STRN3: variants seen among roughly 807,000 people sequenced by gnomAD.
STRN3 encodes the protein striatin-3.
A neutral mutation model predicts 95.6 loss-of-function variants in STRN3; 29 were observed. That is an observed-to-expected ratio of 0.30 (90% CI 0.23 to 0.41). The LOEUF (loss-of-function observed/expected upper bound fraction) is 0.41, where lower values mean the gene tolerates loss of function less well. Ranked by LOEUF, STRN3 falls within the 10% of genes least tolerant of loss-of-function variation. STRN3 has a pLI of 1.00. For missense variants in STRN3, 890 were observed against 972.1 expected (o/e 0.92, Z 1.12); for synonymous variants, 331 against 357.6 (o/e 0.93, Z 0.84).
chr14:30,991,927 T>TA (rs11411363), intron 1 of STRN3, among the ~76,000 whole-genome samples: 89,985 of 142,168 alleles, frequency 0.63, 28,951 homozygotes, highest in Non-Finnish European at 0.72. Context: ...CTCTATTCTT[T>TA]AAAAAAAAAA....
intron 1 of STRN3, among the ~76,000 whole-genome samples, chr14:30,964,823 G>A (rs535177848): frequency 2.1e-4 from 32 of 152,156 alleles, no homozygotes; most frequent in African/African-American, 7.7e-4. Context: ...CAGAGACTGA[G>A]GCAGGAGAAT....
chr14:30,911,735 A>C, intron 12 of STRN3, 42 bp downstream of exon 12: 1 of 1,525,022 alleles, frequency 6.6e-7, no homozygotes, highest in Non-Finnish European at 9.0e-7. Flanking sequence ...ATATTTAACA[A>C]TAATGATGAT....
chr14:30,906,846 A>G (rs1896474399), intron 14 of STRN3, 31 bp downstream of exon 14: 3 of 1,589,928 alleles, frequency 1.9e-6, no homozygotes, highest in South Asian at 2.3e-5. Context: ...TAAAAAAACT[A>G]ACTTTTCTCA....
chr14:31,007,378 A>G (rs1387577063), intron 1 of STRN3, among the ~76,000 whole-genome samples: 1 of 152,212 alleles, frequency 6.6e-6, no homozygotes, highest in African/African-American at 2.4e-5. Flanking sequence ...AAAAACCCTA[A>G]CAGTTGTAGA....
intron 1 of STRN3, among the ~76,000 whole-genome samples, chr14:30,980,986 T>TA (rs2139226051): frequency 6.6e-6 from 1 of 152,130 alleles, no homozygotes; most frequent in Admixed American, 6.5e-5. Context: ...CAACTAATAA[T>TA]AAATCCATAA....
At position 30,989,148 on chromosome 14, in the gene STRN3, A is replaced by T. The variant is rs536236258; in HGVS notation, c.283-32906T>A. Among the ~76,000 whole-genome samples the T allele has an allele frequency of 7.2e-5, 11 of 152,324 alleles. No homozygotes were observed. The East Asian group carries it at 2.1e-3, about 29-fold the overall frequency. On this transcript the variant is annotated intron_variant, in intron 1 of 17. Coordinates refer to ENST00000357479, the MANE Select transcript of STRN3 (RefSeq NM_001083893.2). ...AAGTAGTCTGGTCAAGTTCAAGATA[A>T]AGAGAGGGGTCAGTTACCTTATTCT...
At chr14:31,013,630 T>C (rs1451020367) in intron 1 of STRN3, among the ~76,000 whole-genome samples, 1 of 151,802 alleles carries the variant, frequency 6.6e-6, no homozygotes, top group African/African-American at 2.4e-5. Flanking sequence ...AGACAGAGTC[T>C]TTTACCAGGC....
chr14:30,938,882 T>C (rs1349429737), intron 5 of STRN3, among the ~76,000 whole-genome samples: 1 of 152,188 alleles, frequency 6.6e-6, no homozygotes, highest in Non-Finnish European at 1.5e-5. Flanking sequence ...CATTAGTCTT[T>C]AGGGAAATAA....
chr14:30,901,276 A>AT (rs1265164580), intron 16 of STRN3, among the ~76,000 whole-genome samples: 1 of 97,388 alleles, frequency 1.0e-5, no homozygotes, highest in Non-Finnish European at 2.2e-5. Flanking sequence ...CCCTGTCTCT[A>AT]TAAAAAAAAA....
intron 1 of STRN3, among the ~76,000 whole-genome samples, chr14:31,024,766 T>C (rs1482132837): frequency 1.3e-5 from 2 of 152,204 alleles, no homozygotes; most frequent in Admixed American, 6.5e-5. Context: ...CAGCAAATAC[T>C]GCTTACCCCC....
chr14:30,972,212 C>T (rs1229373253), intron 1 of STRN3, among the ~76,000 whole-genome samples: 1 of 152,080 alleles, frequency 6.6e-6, no homozygotes, highest in Non-Finnish European at 1.5e-5. Flanking sequence ...TCACCTGCTC[C>T]AATCTACGTT....
chr14:30,953,118 A>G (rs578036159), intron 3 of STRN3, among the ~76,000 whole-genome samples: 2 of 152,344 alleles, frequency 1.3e-5, no homozygotes, highest in Admixed American at 6.5e-5. Context: ...ATACCTATTT[A>G]ACCAATCCCC....
intron 1 of STRN3, among the ~76,000 whole-genome samples, chr14:31,004,196 A>C (rs1482278527): frequency 2.6e-5 from 4 of 151,924 alleles, no homozygotes; most frequent in Non-Finnish European, 4.4e-5. Flanking sequence ...GAGAGGTGGG[A>C]AGATCACCTG....
chr14:31,010,345 GCATTAGGTATATCTCCTA>G (rs1882913700), intron 1 of STRN3, among the ~76,000 whole-genome samples: 1 of 147,962 alleles, frequency 6.8e-6, no homozygotes, highest in Non-Finnish European at 1.5e-5. Context: ...TCGTCATTTA[GCATTAGGTATATCTCCTA>G]ATGCTATCCC....
chr14:30,931,562 A>T (rs1878538793), intron 7 of STRN3, among the ~76,000 whole-genome samples: 1 of 152,186 alleles, frequency 6.6e-6, no homozygotes. Flanking sequence ...TACTTTATCA[A>T]TTATACTTAA....
At chr14:30,955,130 A>C (rs925626171) in intron 3 of STRN3, among the ~76,000 whole-genome samples, 1 of 152,214 alleles carries the variant, frequency 6.6e-6, no homozygotes, top group Non-Finnish European at 1.5e-5. Context: ...AAGCCAGGTC[A>C]AAGAAAACCT....
intron 1 of STRN3, among the ~76,000 whole-genome samples, chr14:30,997,581 C>T (rs939803143): frequency 6.6e-6 from 1 of 152,220 alleles, no homozygotes; most frequent in Non-Finnish European, 1.5e-5. Flanking sequence ...TCTTCAGCCT[C>T]CTGACCACCC....
At chr14:31,019,674 G>A (rs1883409146) in intron 1 of STRN3, among the ~76,000 whole-genome samples, 1 of 152,046 alleles carries the variant, frequency 6.6e-6, no homozygotes, top group South Asian at 2.1e-4. Flanking sequence ...CCTTAGATCA[G>A]CAGTCAGGCT....
At chr14:30,944,080 G>C (rs1879222659) in intron 5 of STRN3, among the ~76,000 whole-genome samples, 1 of 151,932 alleles carries the variant, frequency 6.6e-6, no homozygotes, top group Non-Finnish European at 1.5e-5. Context: ...ATTTTGCAAA[G>C]GCAAGAAGCT....
Sources: gnomAD v4.1 joint callset for allele counts (sites outside exome capture counted in the v4.1 genomes callset) on GRCh38, gnomAD v4.1.1 for gene constraint, MANE v1.5 for transcripts, NCBI Gene and HGNC (gene_info 2026-07-23, HGNC 2026-07-21) for gene names.